TBC1D5: variants seen among roughly 807,000 people sequenced by gnomAD.
The protein encoded by TBC1D5 is TBC1 domain family, member 5.
In TBC1D5, 75 loss-of-function variants were observed where a neutral mutation model predicts 100.3. That is an observed-to-expected ratio of 0.75 (90% CI 0.62 to 0.91). The LOEUF (loss-of-function observed/expected upper bound fraction) is 0.91. Among genes scored for constraint, TBC1D5 ranks in the 40% least tolerant of loss-of-function variants. TBC1D5 has a pLI of 0.00. For synonymous variants in TBC1D5, 323 were observed against 325.6 expected (o/e 0.99, Z 0.09); for missense variants, 910 against 942.4 (o/e 0.97, Z 0.45).
intron 4 of TBC1D5, among the ~76,000 whole-genome samples, chr3:17,415,054 T>G (rs988391064): frequency 1.1e-4 from 16 of 152,178 alleles, no homozygotes; most frequent in African/African-American, 3.9e-4. Context: ...GAACTTTAAA[T>G]TGAGAAACCT....
At chr3:17,494,553 TC>T (rs1355118812) in intron 3 of TBC1D5, among the ~76,000 whole-genome samples, 1 of 152,166 alleles carries the variant, frequency 6.6e-6, no homozygotes, top group East Asian at 1.9e-4. Context: ...CAGCTGCCCC[TC>T]CCACCAGGGG....
At chr3:17,742,570 G>C (rs914556422), upstream of TBC1D5, 4 of 152,424 alleles carry the variant, frequency 2.6e-5, no homozygotes, top group African/African-American at 9.7e-5. Context: ...AGTCTGCAGG[G>C]CGCTCGCGGA....
intron 3 of TBC1D5, among the ~76,000 whole-genome samples, chr3:17,435,054 C>T (rs1023926910): frequency 7.2e-5 from 11 of 152,196 alleles, no homozygotes; most frequent in Non-Finnish European, 1.5e-4. Flanking sequence ...GAGACAACCT[C>T]AGCCTGGACT....
At chr3:17,194,137 AT>A (rs1221124865) in intron 18 of TBC1D5, among the ~76,000 whole-genome samples, 3 of 152,168 alleles carry the variant, frequency 2.0e-5, no homozygotes. Context: ...ATGGACCACA[AT>A]TTGGATGGCA....
intron 3 of TBC1D5, among the ~76,000 whole-genome samples, chr3:17,476,787 T>A (rs951816410): frequency 6.6e-6 from 1 of 151,956 alleles, no homozygotes; most frequent in Non-Finnish European, 1.5e-5. Flanking sequence ...TGAAGTTTCA[T>A]AACGTTCTCC....
chr3:17,263,124 T>G (rs1483678589), intron 15 of TBC1D5, among the ~76,000 whole-genome samples: 1 of 151,716 alleles, frequency 6.6e-6, no homozygotes, highest in African/African-American at 2.4e-5. Flanking sequence ...GGAGGATCAC[T>G]TGAATGCAGT....
chr3:17,427,503 T>C lies in TBC1D5; in HGVS notation c.167+947A>G, dbSNP rs116962880. Among the ~76,000 whole-genome samples, 16 of 151,920 alleles carry C rather than the reference T, an allele frequency of 1.1e-4. No individual in the cohort carries two copies. In the East Asian group the frequency reaches 3.1e-3, roughly 29 times the overall value. On this transcript the variant is annotated intron_variant, in intron 4 of 21. Transcript: ENST00000253692. ...TATATAATATGTATACAAATAAAAA[T>C]ATAAACTAAGCATAAATTCCATATT...
intron 3 of TBC1D5, among the ~76,000 whole-genome samples, chr3:17,477,675 C>T (rs1001964743): frequency 1.3e-5 from 2 of 151,962 alleles, no homozygotes; most frequent in African/African-American, 4.8e-5. Flanking sequence ...TACTTAATGG[C>T]TACATATCCA....
intron 4 of TBC1D5, among the ~76,000 whole-genome samples, chr3:17,410,612 T>C (rs1046037746): frequency 6.6e-6 from 1 of 152,078 alleles, no homozygotes; most frequent in Non-Finnish European, 1.5e-5. Flanking sequence ...AAAGTCAGAA[T>C]AGCAACATGA....
intron 2 of TBC1D5, among the ~76,000 whole-genome samples, chr3:17,549,495 T>C (rs190614452): frequency 6.6e-6 from 1 of 152,276 alleles, no homozygotes; most frequent in African/African-American, 2.4e-5. Flanking sequence ...ATAATAAATA[T>C]ATGAATAAAA....
At chr3:17,527,977 G>C (rs566185500) in intron 2 of TBC1D5, among the ~76,000 whole-genome samples, 1 of 151,884 alleles carries the variant, frequency 6.6e-6, no homozygotes, top group Admixed American at 6.5e-5. Context: ...TCAGGCCCCT[G>C]CTATAGGTTT....
chr3:17,595,449 G>A (rs1175074697), intron 2 of TBC1D5, among the ~76,000 whole-genome samples: 1 of 152,074 alleles, frequency 6.6e-6, no homozygotes, highest in Non-Finnish European at 1.5e-5. Flanking sequence ...TATAGTCTGG[G>A]AAACTCATTT....
intron 1 of TBC1D5, among the ~76,000 whole-genome samples, chr3:17,736,177 G>C (rs976340054): frequency 1.3e-5 from 2 of 152,030 alleles, no homozygotes; most frequent in Non-Finnish European, 1.5e-5. Context: ...ATTCTTAGTC[G>C]GCCTAGGAAA....
intron 15 of TBC1D5, among the ~76,000 whole-genome samples, chr3:17,290,826 T>A (rs997506123): frequency 5.3e-5 from 8 of 152,246 alleles, no homozygotes; most frequent in African/African-American, 1.9e-4. Flanking sequence ...ATATTTCTGA[T>A]GCTTAATGAA....
exon 8 of TBC1D5, chr3:17,403,226 T>G (rs1469332468): frequency 6.3e-7 from 1 of 1,590,882 alleles, no homozygotes; most frequent in Non-Finnish European, 8.6e-7. Flanking sequence ...TTCTTTATCT[T>G]GGAAGAATTT....
At chr3:17,613,822 C>A (rs1165096120) in intron 2 of TBC1D5, among the ~76,000 whole-genome samples, 1 of 152,108 alleles carries the variant, frequency 6.6e-6, no homozygotes, top group African/African-American at 2.4e-5. Flanking sequence ...AAAATTTTCT[C>A]CCATTCTGTA....
In TBC1D5 at chr3:17,662,611, T is replaced by C. The variant is rs559157347; in HGVS notation, c.-100-38698A>G. On this transcript the variant is annotated intron_variant, in intron 1 of 21. Coordinates refer to ENST00000253692, the Ensembl canonical transcript of TBC1D5. ...GCTGACCTAAGAAAGTGCTTTGCTT[T>C]ACTCTTTTAATTTGAATGCCTTTAG... 4.6e-5 allele frequency among the ~76,000 whole-genome samples: 7 copies of C among 152,368 alleles called. No individual in the cohort carries two copies. In the South Asian group the frequency reaches 1.4e-3, roughly 32 times the overall value.
At chr3:17,659,256 G>A (rs1231632608) in intron 1 of TBC1D5, among the ~76,000 whole-genome samples, 3 of 152,118 alleles carry the variant, frequency 2.0e-5, no homozygotes, top group Non-Finnish European at 4.4e-5. Flanking sequence ...GTGCTCACAT[G>A]GAGCTAAATT....
chr3:17,330,713 C>T (rs916038914), intron 13 of TBC1D5, among the ~76,000 whole-genome samples: 11 of 152,082 alleles, frequency 7.2e-5, no homozygotes, highest in African/African-American at 2.7e-4. Context: ...TAGATATATT[C>T]CCTGTGATTT....
Sources: gnomAD v4.1 joint callset for allele counts (sites outside exome capture counted in the v4.1 genomes callset) on GRCh38, gnomAD v4.1.1 for gene constraint, MANE v1.5 for transcripts, NCBI Gene and HGNC (gene_info 2026-07-23, HGNC 2026-07-21) for gene names.